NWD1: variants seen among roughly 807,000 people sequenced by gnomAD.
NWD1 encodes the protein NACHT and WD repeat domain containing 1, also known as NACHT domain- and WD repeat-containing protein 1.
NWD1 carries 129 observed loss-of-function variants against 135.1 expected under a neutral mutation model. That is an observed-to-expected ratio of 0.96 (90% CI 0.83 to 1.11). The LOEUF is 1.11. Ranked by LOEUF, NWD1 falls within the 50% of genes least tolerant of loss-of-function variation. The pLI is 0.00. For synonymous variants in NWD1, 773 were observed against 786.0 expected (o/e 0.98, Z 0.28); for missense variants, 1,740 against 1,851.3 (o/e 0.94, Z 1.10).
At chr19:16,761,475 T>A (rs144723529) in intron 7 of NWD1, among the ~76,000 whole-genome samples, 2,082 of 151,366 alleles carry the variant, frequency 0.014, 17 homozygotes, top group Middle Eastern at 0.034. Context: ...CTGGGAGGAG[T>A]GATTCTCCTG....
chr19:16,732,598 A>ACTTTT (rs139987064), intron 3 of NWD1, among the ~76,000 whole-genome samples: 1 of 117,298 alleles, frequency 8.5e-6, no homozygotes, highest in African/African-American at 3.8e-5. Flanking sequence ...CTGGCTAGGG[A>ACTTTT]ATTTTTTTTT....
At chr19:16,775,959 G>C (rs1599508076) in intron 11 of NWD1, among the ~76,000 whole-genome samples, 1 of 152,210 alleles carries the variant, frequency 6.6e-6, no homozygotes, top group African/African-American at 2.4e-5. Flanking sequence ...GAGCCACTGT[G>C]CTCAGCCAGG....
chr19:16,736,940 C>T (rs1967845844), intron 4 of NWD1, among the ~76,000 whole-genome samples, 190 bp downstream of exon 4: 1 of 152,164 alleles, frequency 6.6e-6, no homozygotes, highest in African/African-American at 2.4e-5. Context: ...GGGATCCAGA[C>T]ATTAGCAGTC....
intron 4 of NWD1, among the ~76,000 whole-genome samples, chr19:16,742,819 T>C (rs1968138695): frequency 1.3e-5 from 2 of 151,336 alleles, no homozygotes; most frequent in South Asian, 4.2e-4. Flanking sequence ...TACAGGCATG[T>C]GCCACCATGC....
At chr19:16,757,057 A>C (rs1326320276) in intron 6 of NWD1, among the ~76,000 whole-genome samples, 1 of 152,224 alleles carries the variant, frequency 6.6e-6, no homozygotes, top group South Asian at 2.1e-4. Flanking sequence ...CTGATTCTAC[A>C]TGATGGGGAG....
intron 10 of NWD1, among the ~76,000 whole-genome samples, chr19:16,766,016 C>CA (rs35265751): frequency 0.017 from 1,590 of 91,312 alleles, 34 homozygotes; most frequent in East Asian, 0.13. Context: ...GACTCCGTCT[C>CA]AAAAAAAAAA....
At chr19:16,769,995 C>T (rs1201689881) in intron 10 of NWD1, among the ~76,000 whole-genome samples, 1 of 152,132 alleles carries the variant, frequency 6.6e-6, no homozygotes, top group African/African-American at 2.4e-5. Flanking sequence ...ACACCACCAC[C>T]CCTGGCTTGT....
intron 10 of NWD1, among the ~76,000 whole-genome samples, chr19:16,771,421 A>G (rs188411250): frequency 2.6e-4 from 39 of 152,318 alleles, no homozygotes; most frequent in African/African-American, 4.1e-4. Flanking sequence ...CCGCACTCCA[A>G]CTTGCACGAC....
intron 6 of NWD1, among the ~76,000 whole-genome samples, chr19:16,757,983 C>T (rs1968860871): frequency 6.6e-6 from 1 of 151,028 alleles, no homozygotes; most frequent in African/African-American, 2.4e-5. Flanking sequence ...AGCCAGGAGG[C>T]AGAGATTGCA....
chr19:16,757,541 C>A (rs1312207607), intron 6 of NWD1, among the ~76,000 whole-genome samples: 1 of 152,168 alleles, frequency 6.6e-6, no homozygotes, highest in Non-Finnish European at 1.5e-5. Context: ...CATTCCTCAC[C>A]AAGGTCTCCC....
intron 10 of NWD1, among the ~76,000 whole-genome samples, chr19:16,768,819 G>GC (rs1969317276): frequency 6.6e-6 from 1 of 152,176 alleles, no homozygotes; most frequent in Non-Finnish European, 1.5e-5. Flanking sequence ...ATGTGAATAG[G>GC]ATGTTAAAAA....
chr19:16,797,227 C>T (rs554575728), intron 15 of NWD1, among the ~76,000 whole-genome samples: 35 of 152,068 alleles, frequency 2.3e-4, no homozygotes, highest in African/African-American at 8.0e-4. Context: ...AGGCCCTCCC[C>T]CAACCAGCTG....
intron 12 of NWD1, among the ~76,000 whole-genome samples, chr19:16,781,364 C>T (rs1288327448): frequency 6.6e-6 from 1 of 152,024 alleles, no homozygotes; most frequent in Non-Finnish European, 1.5e-5. Flanking sequence ...GTGGCTTATC[C>T]CAGCACTTTA....
At chr19:16,790,156 G>C (rs892548283) in intron 13 of NWD1, among the ~76,000 whole-genome samples, 4 of 152,146 alleles carry the variant, frequency 2.6e-5, no homozygotes, top group Non-Finnish European at 4.4e-5. Flanking sequence ...GTGGGTGATA[G>C]CTTACTAATT....
intron 3 of NWD1, among the ~76,000 whole-genome samples, chr19:16,734,534 C>CAA (rs35642054): frequency 8.1e-6 from 1 of 123,724 alleles, no homozygotes; most frequent in African/African-American, 3.0e-5. Context: ...GACTCCATCT[C>CAA]AAAAAAAAAA....
At position 16,750,398 on chromosome 19, in the gene NWD1, A is replaced by G. The variant is rs760800433; in HGVS notation, c.1756A>G (p.Ile586Val). Residue 586 changes from isoleucine to valine, a missense_variant, in exon 6 of 19, where the codon ATT becomes GTT. Coordinates refer to ENST00000524140, the MANE Select transcript of NWD1 (RefSeq NM_001007525.5). ...CCTCGTGGCCCACGTGCTGGGCTAC[A>G]TTGTGTCTTCCCGGTAAGTCTCTGT... Reference protein sequence around the residue: ...QLLVAHVLGYIVSSRHGLSEA... With the variant: ...QLLVAHVLGYVVSSRHGLSEA... 10 of 1,565,186 alleles carry G rather than the reference A, an allele frequency of 6.4e-6. No individual in the cohort carries two copies. Among genetic ancestry groups the G allele is most frequent in the Admixed American group, 6.1e-5 (3 of 49,490 alleles).
chr19:16,732,601 T>G (rs973054650), intron 3 of NWD1, among the ~76,000 whole-genome samples: 1 of 133,244 alleles, frequency 7.5e-6, no homozygotes, highest in Non-Finnish European at 1.6e-5. Context: ...GCTAGGGAAT[T>G]TTTTTTTTTT....
intron 11 of NWD1, among the ~76,000 whole-genome samples, chr19:16,778,800 A>G (rs937869065): frequency 6.6e-6 from 1 of 152,170 alleles, no homozygotes; most frequent in African/African-American, 2.4e-5. Flanking sequence ...TTGGCCTCCC[A>G]CAGTGCTGGG....
chr19:16,749,002 C>A (rs1387988238), intron 5 of NWD1, 137 bp from the exon 6 acceptor site: 15 of 672,622 alleles, frequency 2.2e-5, no homozygotes, highest in Middle Eastern at 8.0e-4. Context: ...TCGAGACCCC[C>A]AGGTCAGACT....
Sources: gnomAD v4.1 joint callset for allele counts (sites outside exome capture counted in the v4.1 genomes callset) on GRCh38, gnomAD v4.1.1 for gene constraint, MANE v1.5 for transcripts, NCBI Gene and HGNC (gene_info 2026-07-23, HGNC 2026-07-21) for gene names.